ABL1: variants seen among roughly 807,000 people sequenced by gnomAD.
ABL1 encodes the protein ABL proto-oncogene 1, non-receptor tyrosine kinase.
ABL1 carries 11 observed loss-of-function variants against 94.7 expected under a neutral mutation model. The ratio of observed to expected loss-of-function variants is 0.12; its 90% CI spans 0.07 to 0.19. The LOEUF is 0.19. ABL1 is among the 10% of genes least tolerant of loss of function. The probability of loss-of-function intolerance (pLI) is 1.00; values close to 1 mark genes in which losing one functional copy is unlikely to be tolerated. For missense variants in ABL1, 1,082 were observed against 1,489.4 expected (o/e 0.73, Z 4.50); for synonymous variants, 656 against 622.4 (o/e 1.05, Z -0.80).
At chr9:130,733,279 A>G (rs956847290) in intron 1 of ABL1, among the ~76,000 whole-genome samples, 12 of 152,218 alleles carry the variant, frequency 7.9e-5, no homozygotes, top group Admixed American at 2.0e-4. Context: ...AGTTTAGTCA[A>G]AACAAACAAC....
chr9:130,848,886 C>T (rs961027202), intron 1 of ABL1, among the ~76,000 whole-genome samples: 13 of 151,806 alleles, frequency 8.6e-5, no homozygotes, highest in African/African-American at 2.4e-4. Flanking sequence ...TTGCAGTGAG[C>T]AGAGATCACG....
Position 130,885,243 on chromosome 9 carries a change from T to C in ABL1, c.2953T>C (p.Leu985=), listed in dbSNP as rs1423907045. The change falls in exon 11 of 11, where the codon TTG becomes CTG. Residue 985 remains leucine (L), a synonymous_variant. Coordinates refer to ENST00000318560, the MANE Select transcript of ABL1 (RefSeq NM_005157.6). Reference sequence around the variant, plus strand: ...CAGCCCAGCCCCCGTTCCCTCCACGTTGCCATCAGCATCCTCGGCCCTGGC... The same window carrying C: ...CAGCCCAGCCCCCGTTCCCTCCACGCTGCCATCAGCATCCTCGGCCCTGGC... ...PISPAPVPST[L]PSASSALAGD... is the part of the protein sequence containing the mutation. 10 of 1,613,726 alleles carry C rather than the reference T, an allele frequency of 6.2e-6. No individual in the cohort carries two copies. Among genetic ancestry groups the C allele is most frequent in the Non-Finnish European group, 8.5e-6 (10 of 1,180,010 alleles).
chr9:130,754,235 G>A (rs1223105509), intron 1 of ABL1, among the ~76,000 whole-genome samples: 4 of 146,876 alleles, frequency 2.7e-5, no homozygotes, highest in Non-Finnish European at 6.0e-5. Context: ...GAGACCAGGC[G>A]TGGTGGCTCA....
At chr9:130,797,599 T>C (rs1829996784) in intron 1 of ABL1, among the ~76,000 whole-genome samples, 1 of 152,190 alleles carries the variant, frequency 6.6e-6, no homozygotes, top group Non-Finnish European at 1.5e-5. Context: ...TGTCTCGAAC[T>C]CCTAGCCTCA....
intron 1 of ABL1, among the ~76,000 whole-genome samples, chr9:130,715,626 G>C (rs1831427895): frequency 6.6e-6 from 1 of 152,180 alleles, no homozygotes; most frequent in South Asian, 2.1e-4. Flanking sequence ...CCAAATTCAG[G>C]ATTTAAAAAG....
chr9:130,816,965 C>G (rs1830295657), intron 1 of ABL1, among the ~76,000 whole-genome samples: 1 of 152,238 alleles, frequency 6.6e-6, no homozygotes, highest in South Asian at 2.1e-4. Context: ...CTTGGCCTCC[C>G]AAAGTGCTGG....
Position 130,884,206 on chromosome 9 carries a change from G to A in ABL1, c.1916G>A (p.Arg639Gln), listed in dbSNP as rs1476030646. 7 of 1,610,400 alleles carry A rather than the reference G, an allele frequency of 4.3e-6. No individual in the cohort carries two copies. Among genetic ancestry groups the A allele is most frequent in the Non-Finnish European group, 5.1e-6 (6 of 1,178,852 alleles). The change falls in exon 11 of 11, where the codon CGA becomes CAA. Residue 639 changes from arginine to glutamine, a missense_variant. Physicochemically the swap from Arg to Gln is conservative, Grantham distance 43. Coordinates refer to ENST00000318560, the MANE Select transcript of ABL1 (RefSeq NM_005157.6). This position sits in a 1 kb window ranked among gnomAD's most constrained non-coding sequence, Gnocchi z 5.6. ...ERRGAGEEEG[R>Q]DISNGALAFT... ...AGAGGGGCCGGCGAGGAAGAGGGCC[G>A]AGACATCAGCAACGGGGCACTGGCT...
chr9:130,781,680 C>G (rs1829758036), intron 1 of ABL1, among the ~76,000 whole-genome samples: 1 of 152,102 alleles, frequency 6.6e-6, no homozygotes, highest in Admixed American at 6.5e-5. Flanking sequence ...GATTTGCCAG[C>G]TGCATTATTA....
chr9:130,728,372 T>G (rs4412412), intron 1 of ABL1, among the ~76,000 whole-genome samples: 2,239 of 149,104 alleles, frequency 0.015, 14 homozygotes, highest in Middle Eastern at 0.021. Flanking sequence ...CTGGCTGGTT[T>G]TTTTTTTTTT....
intron 1 of ABL1, among the ~76,000 whole-genome samples, chr9:130,717,468 C>T (rs1554756365): frequency 6.6e-6 from 1 of 151,698 alleles, no homozygotes. Context: ...CTTTGGGAGG[C>T]CGAGGCAGGT....
chr9:130,757,538 T>A (rs898658199), intron 1 of ABL1, among the ~76,000 whole-genome samples: 2 of 139,464 alleles, frequency 1.4e-5, no homozygotes, highest in Non-Finnish European at 3.1e-5. Flanking sequence ...CTCCAGGCCT[T>A]TTTTTTTTTT....
chr9:130,788,891 AATG>A (rs2132802248), intron 1 of ABL1, among the ~76,000 whole-genome samples: 1 of 152,254 alleles, frequency 6.6e-6, no homozygotes, highest in African/African-American at 2.4e-5. Context: ...GCCTGTCGTT[AATG>A]ATATTAATTT....
intron 4 of ABL1, among the ~76,000 whole-genome samples, chr9:130,867,265 G>A (rs1365435265): frequency 1.3e-5 from 2 of 152,188 alleles, no homozygotes; most frequent in African/African-American, 2.4e-5. Context: ...CCATAGGCAC[G>A]GATCTCTGTC....
At chr9:130,852,074 G>A (rs1384375980) in intron 1 of ABL1, among the ~76,000 whole-genome samples, 2 of 151,740 alleles carry the variant, frequency 1.3e-5, no homozygotes, top group Non-Finnish European at 2.9e-5. Flanking sequence ...CCTCCACGCC[G>A]GGCCTCTCTT....
chr9:130,827,659 C>T (rs1175272216), intron 1 of ABL1, among the ~76,000 whole-genome samples: 3 of 152,154 alleles, frequency 2.0e-5, no homozygotes, highest in Non-Finnish European at 2.9e-5. Context: ...CTTTGGGAGG[C>T]TGAGGTGGAC....
At chr9:130,853,662 A>G (rs1235889625) in intron 1 of ABL1, among the ~76,000 whole-genome samples, 19 of 151,046 alleles carry the variant, frequency 1.3e-4, no homozygotes, top group Admixed American at 1.3e-3. Flanking sequence ...TGATCCACCC[A>G]CCTTGGCCTC....
chr9:130,833,785 T>C (rs1228482727), upstream of ABL1, among the ~76,000 whole-genome samples: 1 of 152,240 alleles, frequency 6.6e-6, no homozygotes. Context: ...ATGTGCTGTT[T>C]TTGGCAGAGC....
chr9:130,807,038 T>C (rs1830134864), intron 1 of ABL1, among the ~76,000 whole-genome samples: 1 of 151,752 alleles, frequency 6.6e-6, no homozygotes, highest in Non-Finnish European at 1.5e-5. Context: ...TAATCCCAGC[T>C]ACCCGAGAGG....
chr9:130,833,540 G>A (rs142236171), upstream of ABL1, among the ~76,000 whole-genome samples: 194 of 152,334 alleles, frequency 1.3e-3, 4 homozygotes, highest in Non-Finnish European at 6.6e-4. Context: ...TGGGGGCCCT[G>A]TAGTCCTGCA....
Sources: gnomAD v4.1 joint callset for allele counts (sites outside exome capture counted in the v4.1 genomes callset) on GRCh38, gnomAD v4.1.1 for gene constraint, Gnocchi (gnomAD v3.1) non-coding constraint, MANE v1.5 for transcripts, NCBI Gene and HGNC (gene_info 2026-07-23, HGNC 2026-07-21) for gene names.